The following RFFL variants were observed in gnomAD, a reference collection of about 807,000 sequenced individuals.
RFFL encodes the protein E3 ubiquitin-protein ligase rififylin.
Under a neutral mutation model 40.4 loss-of-function variants are expected in RFFL, and 16 were observed. The observed-to-expected ratio is 0.40, with a 90% CI of 0.27 to 0.60. The LOEUF is 0.60. RFFL is among the 20% of genes least tolerant of loss of function. The probability of loss-of-function intolerance (pLI) is 0.47; values close to 1 mark genes in which losing one functional copy is unlikely to be tolerated. For synonymous variants in RFFL, 154 were observed against 167.9 expected, an observed-to-expected ratio of 0.92 and a Z score of 0.64; for missense variants, 367 against 451.7, an observed-to-expected ratio of 0.81 and a Z score of 1.70.
At chr17:35,046,971 G>C (rs1308816831) in intron 1 of RFFL, among the ~76,000 whole-genome samples, 1 of 152,168 alleles carries the variant, frequency 6.6e-6, no homozygotes, top group Non-Finnish European at 1.5e-5. Flanking sequence ...TTCTAACAAC[G>C]CTGAAAACAG....
chr17:35,045,384 C>A (rs916058283), intron 1 of RFFL, among the ~76,000 whole-genome samples: 1 of 151,910 alleles, frequency 6.6e-6, no homozygotes. Context: ...AGGCACGTGC[C>A]ACCATGCCTG....
intron 1 of RFFL, among the ~76,000 whole-genome samples, chr17:35,084,100 G>A (rs775931667): frequency 6.6e-6 from 1 of 151,812 alleles, no homozygotes; most frequent in Non-Finnish European, 1.5e-5. Context: ...TTAGCCGGGC[G>A]CAGTGGCGCG....
chr17:35,083,529 C>T (rs1406784556), intron 1 of RFFL, among the ~76,000 whole-genome samples: 1 of 151,782 alleles, frequency 6.6e-6, no homozygotes, highest in African/African-American at 2.4e-5. Flanking sequence ...ACCTGTAATC[C>T]CAACACTTTG....
chr17:35,055,688 AC>A lies in RFFL; in HGVS notation c.-9+7887del, dbSNP rs1567712234. On this transcript the variant is annotated intron_variant, in intron 1 of 6. Transcript: ENST00000394597. ...CTCCATCTCAAAAAAAAACAAACAA[AC>A]AAACAAACAAAAAAAAAACATTAAT... Among the ~76,000 whole-genome samples, 143 of 146,368 alleles carry A rather than the reference AC, an allele frequency of 9.8e-4. 3 individuals carry two copies. The highest frequency in any genetic ancestry group is 3.7e-3 in the African/African-American group (133 of 36,430).
At chr17:35,012,309 C>T (rs879029477) in intron 6 of RFFL, among the ~76,000 whole-genome samples, 160 bp from the exon 7 acceptor site, 6 of 152,222 alleles carry the variant, frequency 3.9e-5, no homozygotes, top group Admixed American at 3.9e-4. Context: ...TCCGAGGAAA[C>T]ATTTCCTCAA....
rs752117442 is a variant in RFFL at position 35,017,543 on chromosome 17, G to A, written c.655C>T (p.Pro219Ser). The A allele has an allele frequency of 6.2e-7, 1 of 1,610,820 alleles. No homozygotes were observed. Among genetic ancestry groups the A allele is most frequent in the South Asian group, 1.1e-5 (1 of 90,286 alleles). The change falls in exon 4 of 7, where the codon CCT becomes TCT. Residue 219 changes from proline (P) to serine (S), a missense_variant. By Grantham distance (74) the Pro-to-Ser change is moderately conservative (BLOSUM62 -1). Coordinates refer to ENST00000394597, the MANE Select transcript of RFFL (RefSeq NM_001017368.2). ...PVYLESVARV[P>S]AEDETQSIDS... is the part of the protein sequence containing the mutation. ...CCCACCTGGGTCTCATCCTCAGCAG[G>A]TACTCTGGCCACGCTCTCCAGGTAG...
chr17:35,017,706 A>G, intron 3 of RFFL, 100 bp from the exon 4 acceptor site: 1 of 794,548 alleles, frequency 1.3e-6, no homozygotes, highest in Non-Finnish European at 2.1e-6. Context: ...ATGTACTCCC[A>G]TCATGCCCAG....
chr17:35,055,279 C>T (rs2091254120), intron 1 of RFFL, among the ~76,000 whole-genome samples: 1 of 152,166 alleles, frequency 6.6e-6, no homozygotes, highest in African/African-American at 2.4e-5. Context: ...CCTCAACCTT[C>T]ATGACTCCCT....
upstream of RFFL, among the ~76,000 whole-genome samples, chr17:35,068,150 C>CA: frequency 6.6e-6 from 1 of 152,162 alleles, no homozygotes; most frequent in South Asian, 2.1e-4. Flanking sequence ...TCAAATAAAA[C>CA]AAAGGAGAAA....
In RFFL at chr17:35,069,320, G is replaced by T. The variant is rs547542303; in HGVS notation, c.-9+19785C>A. 5 of 456,634 alleles carry T rather than the reference G, an allele frequency of 1.1e-5. No individual in the cohort carries two copies. In the East Asian group the frequency reaches 2.1e-4, roughly 19 times the overall value. 28.3% of individuals were successfully genotyped at this position (456,634 alleles called of 1,614,324 possible). Reference sequence around the variant, plus strand: ...TTTGTTCATGTCCCCAAGTCTAGGGGGCCTTTGTCAACACGTGTTTCATCT... The same window carrying T: ...TTTGTTCATGTCCCCAAGTCTAGGGTGCCTTTGTCAACACGTGTTTCATCT... On this transcript the variant is annotated intron_variant, in intron 1 of 6. Transcript: ENST00000315249.
intron 3 of RFFL, among the ~76,000 whole-genome samples, chr17:35,019,949 G>T (rs561573444): frequency 6.6e-6 from 1 of 152,160 alleles, no homozygotes; most frequent in Non-Finnish European, 1.5e-5. Flanking sequence ...GAATCAGGGG[G>T]CCCAGTCCTG....
chr17:35,084,743 A>C (rs923923505), intron 1 of RFFL, among the ~76,000 whole-genome samples: 1 of 149,964 alleles, frequency 6.7e-6, no homozygotes, highest in Non-Finnish European at 1.5e-5. Context: ...AAAAAATGCA[A>C]AAATTAGCTG....
At chr17:35,084,437 T>C (rs922198540) in intron 1 of RFFL, among the ~76,000 whole-genome samples, 4 of 148,216 alleles carry the variant, frequency 2.7e-5, no homozygotes, top group Admixed American at 6.7e-5. Context: ...CTACTAAAAA[T>C]ACAAAAATTA....
chr17:35,062,606 G>A (rs1014636527), intron 1 of RFFL, among the ~76,000 whole-genome samples: 1 of 152,182 alleles, frequency 6.6e-6, no homozygotes, highest in Non-Finnish European at 1.5e-5. Flanking sequence ...TAAGTAAGAA[G>A]AGGCTTCATG....
chr17:35,045,868 A>T (rs1481123435), intron 1 of RFFL, among the ~76,000 whole-genome samples: 1 of 151,862 alleles, frequency 6.6e-6, no homozygotes, highest in Non-Finnish European at 1.5e-5. Flanking sequence ...TACTACAAAT[A>T]AAAAAATTAG....
rs760919177 is a variant in RFFL, at chr17:35,026,511, G to C, written c.43C>G (p.Pro15Ala). The C allele has an allele frequency of 1.2e-6, 2 of 1,612,056 alleles. No individual in the cohort carries two copies. The highest frequency in any genetic ancestry group is 1.1e-5 in the South Asian group (1 of 90,826). ...CCCTGGGGTGGTGGGACCTCCTCAG[G>C]CTGTCCATCCAGGCAGAACCAGTTG... is the stretch of plus-strand genomic sequence containing the variant. ...CCNWFCLDGQ[P>A]EEVPPPQGAR... The change falls in exon 2 of 7, where the codon CCT (proline) becomes GCT (alanine). Residue 15 changes from proline to alanine, a missense_variant. Coordinates refer to ENST00000394597, the MANE Select transcript of RFFL (RefSeq NM_001017368.2).
chr17:35,045,358 G>A (rs572209336), intron 1 of RFFL, among the ~76,000 whole-genome samples: 1 of 151,642 alleles, frequency 6.6e-6, no homozygotes, highest in South Asian at 2.1e-4. Flanking sequence ...TCAGCCTCCT[G>A]AGTAGCTGGG....
At position 35,038,195 on chromosome 17, in the gene RFFL, A is replaced by G. The variant is rs562582996; in HGVS notation, c.-8-11634T>C. On this transcript the variant is annotated intron_variant, in intron 1 of 6. Coordinates refer to ENST00000394597, the MANE Select transcript of RFFL (RefSeq NM_001017368.2). The stretch of plus-strand genomic sequence containing the variant: ...TCCCAGCTACTCAGGAGGCTGAGGC[A>G]GAAGAATCGCTTGAACCTGGGAGGC... 3.9e-4 allele frequency among the ~76,000 whole-genome samples: 59 copies of G among 151,716 alleles called. No homozygotes were observed. In the South Asian group the frequency reaches 0.011, roughly 29 times the overall value.
At chr17:35,064,832 A>C (rs1024247665), upstream of RFFL, among the ~76,000 whole-genome samples, 2 of 152,230 alleles carry the variant, frequency 1.3e-5, no homozygotes, top group Non-Finnish European at 2.9e-5. Context: ...ACAGAATTTG[A>C]GTTTAAAAAC....
Sources: gnomAD v4.1 joint callset for allele counts (sites outside exome capture counted in the v4.1 genomes callset) on GRCh38, gnomAD v4.1.1 for gene constraint, MANE v1.5 for transcripts, NCBI Gene and HGNC (gene_info 2026-07-23, HGNC 2026-07-21) for gene names.